SPTAN1: variants seen among roughly 807,000 people sequenced by gnomAD.
SPTAN1 encodes the protein spectrin alpha, non-erythrocytic 1, also known as spectrin alpha chain, non-erythrocytic 1.
In SPTAN1, 61 loss-of-function variants were observed where a neutral mutation model predicts 331.3. The observed-to-expected ratio is 0.18, with a 90% CI of 0.15 to 0.23. The LOEUF (loss-of-function observed/expected upper bound fraction) is 0.23, where lower values mean the gene tolerates loss of function less well. Among genes scored for constraint, SPTAN1 ranks in the 10% least tolerant of loss-of-function variants. The pLI, the probability that SPTAN1 is intolerant of heterozygous loss-of-function variation, is 1.00. For synonymous variants in SPTAN1, 1,153 were observed against 1,173.9 expected (o/e 0.98, Z 0.36); for missense variants, 2,043 against 3,147.9 (o/e 0.65, Z 8.40).
intron 24 of SPTAN1, 132 bp from the exon 25 acceptor site, chr9:128,598,268 C>A (rs1234458676): frequency 2.9e-5 from 21 of 720,526 alleles, no homozygotes; most frequent in Non-Finnish European, 4.2e-5. Context: ...TTTTTTTAAT[C>A]CCCCCCTTTT....
At chr9:128,599,166 ACT>A (rs1854719537) in intron 26 of SPTAN1, 180 bp downstream of exon 26, 4 of 686,074 alleles carry the variant, frequency 5.8e-6, no homozygotes, top group Middle Eastern at 2.7e-4. Flanking sequence ...ACGGAGTCTC[ACT>A]CTGTCAACCA....
intron 15 of SPTAN1, 30 bp from the exon 16 acceptor site, chr9:128,583,758 G>A (rs766273505): frequency 2.5e-6 from 4 of 1,611,284 alleles, no homozygotes; most frequent in Non-Finnish European, 2.5e-6. Context: ...ATGCTAAGCA[G>A]TACAAAATTA....
At position 128,633,662 on chromosome 9, in the gene SPTAN1, A is replaced by G. The variant is rs540797387; in HGVS notation, c.*328A>G. On this transcript the variant is annotated 3_prime_UTR_variant, in exon 57 of 57. Coordinates refer to ENST00000372739, the MANE Select transcript of SPTAN1 (RefSeq NM_001130438.3). ...ACAAATAAATGATGACTTCCCCCAA[A>G]GCTTTGCTTTTCTTCATTTGGCTTG... 2.7e-6 allele frequency: 4 copies of G among 1,474,440 alleles called. No individual in the cohort carries two copies. The highest frequency in any genetic ancestry group is 3.7e-6 in the Non-Finnish European group (4 of 1,084,288). The allele number at this position is 1,474,440 out of a possible 1,614,324, so 91.3% of individuals were successfully genotyped here.
chr9:128,603,697 A>T (rs151318628), intron 28 of SPTAN1, 107 bp downstream of exon 28: 1 of 1,347,048 alleles, frequency 7.4e-7, no homozygotes. Flanking sequence ...GACCTGTGAC[A>T]TATCTCACTC....
intron 24 of SPTAN1, among the ~76,000 whole-genome samples, chr9:128,594,919 C>T (rs1228609356): frequency 6.6e-6 from 1 of 150,848 alleles, no homozygotes; most frequent in Non-Finnish European, 1.5e-5. Context: ...ACTCCTCCTC[C>T]CAGGTTCAAG....
intron 20 of SPTAN1, among the ~76,000 whole-genome samples, chr9:128,588,606 CAG>C (rs1214495570): frequency 6.6e-6 from 1 of 151,986 alleles, no homozygotes; most frequent in East Asian, 1.9e-4. Context: ...CCACCGTGCC[CAG>C]ACAAAATGAG....
intron 31 of SPTAN1, 70 bp from the exon 32 acceptor site, chr9:128,607,534 T>C: frequency 7.6e-7 from 1 of 1,314,384 alleles, no homozygotes; most frequent in Non-Finnish European, 1.1e-6. Flanking sequence ...TGTCATTCTC[T>C]GTTTTCCTGG....
intron 23 of SPTAN1, 115 bp from the exon 24 acceptor site, chr9:128,594,060 C>A: frequency 2.0e-6 from 2 of 987,504 alleles, no homozygotes; most frequent in Non-Finnish European, 3.2e-6. Context: ...ATCATCATTA[C>A]AAACTCGTAG....
rs1052807020 is a variant in SPTAN1, at chr9:128,582,466, T to C, written c.1573-13T>C. ...TGTGCTTACCAATGAAGAACTCTTATCTTCCTTCCTAGGCATTAGATGAAT... is the reference window on the plus strand; with the variant it reads ...TGTGCTTACCAATGAAGAACTCTTACCTTCCTTCCTAGGCATTAGATGAAT... On this transcript the variant is annotated splice_polypyrimidine_tract_variant and intron_variant, in intron 12 of 56. Transcript: ENST00000372739. 1.3e-5 allele frequency: 21 copies of C among 1,613,784 alleles called. No homozygotes were observed. Among genetic ancestry groups the C allele is most frequent in the Admixed American group, 1.7e-5 (1 of 60,000 alleles).
chr9:128,571,544 C>T (rs761499644), intron 3 of SPTAN1, among the ~76,000 whole-genome samples: 26 of 152,204 alleles, frequency 1.7e-4, no homozygotes, highest in Non-Finnish European at 3.7e-4. Context: ...GAGATCCTGC[C>T]ATTGCACTCT....
intron 31 of SPTAN1, 104 bp downstream of exon 31, chr9:128,605,581 C>T: frequency 1.4e-6 from 2 of 1,432,048 alleles, no homozygotes; most frequent in Non-Finnish European, 9.6e-7. Flanking sequence ...CAATGGCTCA[C>T]ACCTATAATC....
intron 45 of SPTAN1, among the ~76,000 whole-genome samples, chr9:128,623,622 A>ATTTTTTTTT (rs777632874): frequency 3.0e-4 from 35 of 117,104 alleles, no homozygotes; most frequent in Middle Eastern, 5.1e-3. Flanking sequence ...AACCTGGCTA[A>ATTTTTTTTT]TTTTTTTTTT....
chr9:128,555,181 T>C (rs1246233152), intron 1 of SPTAN1, among the ~76,000 whole-genome samples: 3 of 152,182 alleles, frequency 2.0e-5, no homozygotes, highest in Non-Finnish European at 4.4e-5. Flanking sequence ...TTAAATCCCT[T>C]GTGGGATTTA....
At position 128,583,984 on chromosome 9, in the gene SPTAN1, G is replaced by A. The variant is rs536562365; in HGVS notation, c.2193+15G>A. On this transcript the variant is annotated intron_variant, in intron 16 of 56. Transcript: ENST00000372739. ...CTGCTCACCAGGTAGTGTGAACTGG[G>A]GGCTGTGGTTGGGCAAGTGAATGCA... 6.2e-7 allele frequency: 1 copy of A among 1,614,156 alleles called. No homozygotes were observed. The highest frequency in any genetic ancestry group is 8.5e-7 in the Non-Finnish European group (1 of 1,180,038).
rs1323339626 is a variant in SPTAN1 at position 128,617,689 on chromosome 9, G to A, written c.5407G>A (p.Gly1803Ser). The A allele has an allele frequency of 1.9e-6, 3 of 1,614,002 alleles. No individual in the cohort carries two copies. The highest frequency in any genetic ancestry group is 1.3e-5 in the African/African-American group (1 of 74,904). The change falls in exon 42 of 57, where the codon GGC becomes AGC. Residue 1803 changes from glycine (G) to serine (S), a missense_variant. Physicochemically the swap from Gly to Ser is moderately conservative, Grantham distance 56. Transcript: ENST00000372739. ...AGAGGACTACGGCCGGGACCTAACC[G>A]GCGTGCAGAACCTGAGGAAGAAGCA... The part of the protein sequence containing the change: ...GSEDYGRDLT[G>S]VQNLRKKHKR...
chr9:128,623,684 A>G (rs927100141), intron 45 of SPTAN1, among the ~76,000 whole-genome samples: 2 of 149,324 alleles, frequency 1.3e-5, no homozygotes, highest in African/African-American at 5.0e-5. Flanking sequence ...ATATTAGCCA[A>G]GCTGGTCTTG....
At position 128,618,904 on chromosome 9, in the gene SPTAN1, G is replaced by A; in HGVS notation, c.5634G>A (p.Gln1878=). Residue 1878 remains glutamine, a synonymous_variant, in exon 44 of 57, where the codon CAG becomes CAA. Transcript: ENST00000372739. ...GQRLEESLEY[Q]QFVANVEEEE... Reference sequence around the variant, plus strand: ...GGCTGGAAGAGTCCTTGGAATATCAGCAGTTTGTAGCCAATGTGGAAGAGG... The same window carrying A: ...GGCTGGAAGAGTCCTTGGAATATCAACAGTTTGTAGCCAATGTGGAAGAGG... The A allele has an allele frequency of 1.2e-6, 2 of 1,614,142 alleles. No homozygotes were observed. The highest frequency in any genetic ancestry group is 2.2e-5 in the East Asian group (1 of 44,880).
At chr9:128,557,979 A>G (rs1848846762) in intron 1 of SPTAN1, among the ~76,000 whole-genome samples, 1 of 151,494 alleles carries the variant, frequency 6.6e-6, no homozygotes, top group African/African-American at 2.4e-5. Context: ...AATTTTTTGT[A>G]TTTTTAGTAG....
intron 27 of SPTAN1, 68 bp from the exon 28 acceptor site, chr9:128,603,475 C>G (rs1469461214): frequency 1.3e-6 from 2 of 1,573,696 alleles, no homozygotes; most frequent in African/African-American, 2.7e-5. Context: ...ATCAATGACA[C>G]TTGCAGCTCA....
Sources: gnomAD v4.1 joint callset for allele counts (sites outside exome capture counted in the v4.1 genomes callset) on GRCh38, gnomAD v4.1.1 for gene constraint, MANE v1.5 for transcripts, NCBI Gene and HGNC (gene_info 2026-07-23, HGNC 2026-07-21) for gene names.